The following LAMC2 variants were observed in gnomAD, a reference collection of about 807,000 sequenced individuals.
LAMC2 encodes the protein laminin subunit gamma 2, also known as laminin subunit gamma-2.
In LAMC2, 97 loss-of-function variants were observed where a neutral mutation model predicts 140.2. The ratio of observed to expected loss-of-function variants is 0.69; its 90% CI spans 0.59 to 0.82. LAMC2 has a LOEUF of 0.82. Among genes scored for constraint, LAMC2 ranks in the 40% least tolerant of loss-of-function variants. The pLI is 0.00. For synonymous variants in LAMC2, 513 were observed against 540.2 expected (o/e 0.95, Z 0.70); for missense variants, 1,402 against 1,476.1 (o/e 0.95, Z 0.82).
At chr1:183,258,921 A>C in the LAMC2 span, among the ~76,000 whole-genome samples, 1 of 152,242 alleles carries the variant, frequency 6.6e-6, no homozygotes, top group African/African-American at 2.4e-5. Flanking sequence ...TGCTCCCGAA[A>C]TGCTCAGGGA....
At position 183,235,735 on chromosome 1, in the gene LAMC2, G is replaced by A. The variant is rs1558097384; in HGVS notation, c.2456+5G>A. ...GGTGCAAGGGCTTGTGGAAAAGTACGTTCCTACGGGTCCTCCCGTGGCTCA... is the reference window on the plus strand; with the variant it reads ...GGTGCAAGGGCTTGTGGAAAAGTACATTCCTACGGGTCCTCCCGTGGCTCA... On this transcript the variant is annotated splice_donor_5th_base_variant and intron_variant, in intron 16 of 22. Coordinates refer to ENST00000264144, the MANE Select transcript of LAMC2 (RefSeq NM_005562.3). The A allele has an allele frequency of 1.2e-6, 2 of 1,613,890 alleles. No homozygotes were observed. The highest frequency in any genetic ancestry group is 1.7e-6 in the Non-Finnish European group (2 of 1,179,976).
Position 183,236,596 on chromosome 1 carries a change from T to C in LAMC2, c.2593T>C (p.Ser865Pro). 1 of 1,614,096 alleles carries C rather than the reference T, an allele frequency of 6.2e-7. No homozygotes were observed. ...VSRLQGVSDQ[S>P]FQVEEAKRIK... Reference sequence around the variant, plus strand: ...TCGGCTTCAGGGAGTCAGTGATCAGTCCTTTCAGGTGAGGGCATCTGGCCT... The same window carrying C: ...TCGGCTTCAGGGAGTCAGTGATCAGCCCTTTCAGGTGAGGGCATCTGGCCT... The change falls in exon 17 of 23, where the codon TCC becomes CCC. Residue 865 changes from serine (S) to proline (P), a missense_variant. Ser to Pro is a moderately conservative substitution (Grantham distance 74). Transcript: ENST00000264144.
chr1:183,223,354 T>C, intron 7 of LAMC2, 30 bp downstream of exon 7: 3 of 1,581,074 alleles, frequency 1.9e-6, no homozygotes, highest in Non-Finnish European at 1.7e-6. Flanking sequence ...GTAGGTCAAT[T>C]AGAGCAAACT....
At chr1:183,234,229 T>C (rs1160807784) in intron 14 of LAMC2, 138 bp from the exon 15 acceptor site, 56 of 719,144 alleles carry the variant, frequency 7.8e-5, no homozygotes, top group Admixed American at 2.0e-5. Flanking sequence ...AATAGAGGCA[T>C]GGTGTAAGTG....
intron 20 of LAMC2, 56 bp downstream of exon 20, chr1:183,239,619 G>A (rs1199025742): frequency 8.8e-6 from 13 of 1,472,492 alleles, no homozygotes; most frequent in Middle Eastern, 2.3e-4. Flanking sequence ...CAAGGGTGGT[G>A]TGGAGGGAAA....
At chr1:183,190,433 A>G (rs1658294266) in intron 1 of LAMC2, among the ~76,000 whole-genome samples, 1 of 152,040 alleles carries the variant, frequency 6.6e-6, no homozygotes, top group Non-Finnish European at 1.5e-5. Flanking sequence ...CCAACAAAAC[A>G]GGAACCCAAA....
At chr1:183,221,043 C>A in intron 5 of LAMC2, 82 bp downstream of exon 5, 1 of 1,277,322 alleles carries the variant, frequency 7.8e-7, no homozygotes, top group Non-Finnish European at 1.1e-6. Flanking sequence ...TCCGCATTCA[C>A]AGGATGGATT....
intron 1 of LAMC2, among the ~76,000 whole-genome samples, chr1:183,205,211 C>G (rs1558083266): frequency 6.6e-6 from 1 of 152,184 alleles, no homozygotes; most frequent in Non-Finnish European, 1.5e-5. Flanking sequence ...AGGGCATTGG[C>G]TCATTGGGTT....
chr1:183,256,452 C>T, the LAMC2 span, among the ~76,000 whole-genome samples: 1 of 151,950 alleles, frequency 6.6e-6, no homozygotes. Context: ...AAATGGCCTT[C>T]GTTATGTTGA....
Position 183,225,647 on chromosome 1 carries a change from G to C in LAMC2, c.993G>C (p.Leu331=). 2 of 1,614,074 alleles carry C rather than the reference G, an allele frequency of 1.2e-6. No homozygotes were observed. Among genetic ancestry groups the C allele is most frequent in the Non-Finnish European group, 1.7e-6 (2 of 1,179,924 alleles). The change falls in exon 8 of 23, where the codon CTG becomes CTC. Residue 331 remains leucine (L), a synonymous_variant. Transcript: ENST00000264144. ...EHPSNNWSPQ[L]SYFEYRRLLR... is the part of the protein sequence containing the mutation. ...CAAGCAATAATTGGAGCCCCCAGCT[G>C]AGTTACTTTGAGTATCGAAGGTTAC...
At position 183,235,626 on chromosome 1, in the gene LAMC2, C is replaced by T. The variant is rs1487589176; in HGVS notation, c.2352C>T (p.Asp784=). 10 of 1,614,220 alleles carry T rather than the reference C, an allele frequency of 6.2e-6. No homozygotes were observed. Among genetic ancestry groups the T allele is most frequent in the Admixed American group, 1.7e-5 (1 of 60,028 alleles). The change falls in exon 16 of 23, where the codon GAC becomes GAT. Residue 784 remains aspartate, a synonymous_variant. Transcript: ENST00000264144. ...NMEQLTRETE[D]YSKQALSLVR... is the part of the protein sequence containing the mutation. ...AGCAACTGACAAGGGAAACTGAGGA[C>T]TATTCCAAACAAGCCCTCTCACTGG...
chr1:183,239,635 C>A, intron 20 of LAMC2, 72 bp downstream of exon 20: 1 of 1,349,470 alleles, frequency 7.4e-7, no homozygotes, highest in East Asian at 2.3e-5. Flanking sequence ...GGAAAAAGAA[C>A]ATTGAGCTTA....
chr1:183,224,673 TACACACAC>T (rs3064952), intron 7 of LAMC2, among the ~76,000 whole-genome samples: 69 of 147,934 alleles, frequency 4.7e-4, no homozygotes, highest in South Asian at 3.7e-3. Context: ...GTTCTAATGA[TACACACAC>T]ACACACACAC....
In LAMC2 at chr1:183,238,304, C is replaced by T. The variant is rs111643260; in HGVS notation, c.2755-3C>T. ...TAATCTTGTTCTATCTGCCTTTTTA[C>T]AGAAATCAGATCAGCTGCTTTCCCG... On this transcript the variant is annotated splice_polypyrimidine_tract_variant and splice_region_variant and intron_variant, in intron 18 of 22. Transcript: ENST00000264144. The T allele has an allele frequency of 6.2e-7, 1 of 1,610,166 alleles. No homozygotes were observed. Among genetic ancestry groups the T allele is most frequent in the Non-Finnish European group, 8.5e-7 (1 of 1,176,588 alleles).
chr1:183,251,497 G>GT, the LAMC2 span: 101 of 152,264 alleles, frequency 6.6e-4, no homozygotes, highest in Non-Finnish European at 9.8e-4. Context: ...GACTCCTAGT[G>GT]TTTTTTTGTT....
At chr1:183,235,865 G>A (rs980295450) in intron 16 of LAMC2, 135 bp downstream of exon 16, 1 of 855,140 alleles carries the variant, frequency 1.2e-6, no homozygotes, top group Admixed American at 2.4e-5. Flanking sequence ...CCGAAATCAT[G>A]GGAGTTTTAC....
intron 11 of LAMC2, among the ~76,000 whole-genome samples, chr1:183,229,061 G>A (rs890230211): frequency 3.3e-5 from 5 of 152,158 alleles, no homozygotes; most frequent in South Asian, 2.1e-4. Flanking sequence ...GGAAGTCAGC[G>A]TAATTGATGT....
intron 2 of LAMC2, among the ~76,000 whole-genome samples, chr1:183,214,168 T>C (rs10797860): frequency 0.26 from 39,280 of 151,906 alleles, 5,886 homozygotes; most frequent in African/African-American, 0.39. Flanking sequence ...CCACAACAGC[T>C]CAGCCCTCCT....
At chr1:183,191,993 A>C (rs1009357843) in intron 1 of LAMC2, among the ~76,000 whole-genome samples, 1 of 152,210 alleles carries the variant, frequency 6.6e-6, no homozygotes, top group Non-Finnish European at 1.5e-5. Context: ...CAGATAGGTG[A>C]TGTAATGTTT....
Sources: allele counts gnomAD v4.1 joint callset (sites outside exome capture counted in the v4.1 genomes callset), GRCh38; gene constraint gnomAD v4.1.1; transcripts MANE v1.5; gene names NCBI Gene and HGNC (gene_info 2026-07-23, HGNC 2026-07-21).